Variants in TUT4 observed in about 807,000 individuals in gnomAD.
TUT4 encodes the protein terminal uridylyl transferase 4.
TUT4 carries 36 observed loss-of-function variants against 192.2 expected under a neutral mutation model. That is an observed-to-expected ratio of 0.19 (90% CI 0.14 to 0.25). The LOEUF (loss-of-function observed/expected upper bound fraction) is 0.25. TUT4 is among the 10% of genes least tolerant of loss of function. TUT4 has a pLI of 1.00. For synonymous variants in TUT4, 618 were observed against 666.0 expected (o/e 0.93, Z 1.11); for missense variants, 1,493 against 1,957.2 (o/e 0.76, Z 4.47).
In TUT4 at chr1:52,526,329, T is replaced by G. The variant is rs1484227159; in HGVS notation, c.-49A>C. On this transcript the variant is annotated 5_prime_UTR_variant, in exon 2 of 30. Coordinates refer to ENST00000257177, the MANE Select transcript of TUT4 (RefSeq NM_001009881.3). Reference sequence around the variant, plus strand: ...AATTGTGATATTATAAAATGGCAGATCTCCAGTAGTTTAAATTGCTTCAAG... The same window carrying G: ...AATTGTGATATTATAAAATGGCAGAGCTCCAGTAGTTTAAATTGCTTCAAG... The G allele has an allele frequency of 1.4e-6, 2 of 1,408,608 alleles. No homozygotes were observed. The highest frequency in any genetic ancestry group is 1.8e-6 in the Non-Finnish European group (2 of 1,085,222). The allele number at this position is 1,408,608 out of a possible 1,614,324, so 87.3% of individuals were successfully genotyped here.
chr1:52,539,169 T>C (rs1444390060), intron 1 of TUT4, among the ~76,000 whole-genome samples: 1 of 152,092 alleles, frequency 6.6e-6, no homozygotes, highest in Non-Finnish European at 1.5e-5. Flanking sequence ...AAAATACATA[T>C]ACAGATAATT....
intron 9 of TUT4, 141 bp downstream of exon 9, chr1:52,488,768 T>G (rs1670432043): frequency 2.3e-6 from 2 of 879,084 alleles, no homozygotes; most frequent in Non-Finnish European, 3.1e-6. Flanking sequence ...CACACCAACT[T>G]TCTGTCTAGC....
In TUT4 at chr1:52,499,921, T is replaced by A. The variant is rs551455297; in HGVS notation, c.1000-2738A>T. On this transcript the variant is annotated intron_variant, in intron 4 of 29. Transcript: ENST00000257177. ...CCCCGTCTCTACTAAATTAAAAAAA[T>A]ATATATACATATATATACATATATA... Among the ~76,000 whole-genome samples, 9 of 148,332 alleles carry A rather than the reference T, an allele frequency of 6.1e-5. 1 individual carries two copies. The highest frequency in any genetic ancestry group is 4.3e-4 in the South Asian group (2 of 4,662).
chr1:52,493,506 G>T, intron 7 of TUT4, 105 bp downstream of exon 7: 1 of 723,340 alleles, frequency 1.4e-6, no homozygotes, highest in Non-Finnish European at 2.3e-6. Context: ...ACTCAACTAT[G>T]CCAGCAGTTT....
chr1:52,441,028 T>C (rs1388611710), intron 24 of TUT4, among the ~76,000 whole-genome samples: 1 of 152,176 alleles, frequency 6.6e-6, no homozygotes, highest in Non-Finnish European at 1.5e-5. Flanking sequence ...TGACATTTTA[T>C]GTATTTTAAC....
chr1:52,494,082 C>T (rs531623044), intron 6 of TUT4, among the ~76,000 whole-genome samples: 112 of 151,632 alleles, frequency 7.4e-4, no homozygotes, highest in Non-Finnish European at 1.2e-3. Context: ...GAATTATAAG[C>T]ATGAGCCACC....
In TUT4 at chr1:52,431,182, G is replaced by C. The variant is rs769638779; in HGVS notation, c.4542C>G (p.His1514Gln). 8.7e-6 allele frequency: 14 copies of C among 1,614,142 alleles called. No homozygotes were observed. The South Asian group carries it at 8.8e-5, about 10-fold the overall frequency. ...PSWPIHGPVIHSAPGSAPSNI... is the reference protein window; with the variant it reads ...PSWPIHGPVIQSAPGSAPSNI... ...TGCTGGGGGCACTGCCTGGTGCAGA[G>C]TGGATCACTGGGCCATGGATGGGCC... The change falls in exon 28 of 30, where the codon CAC (histidine) becomes CAG (glutamine). Residue 1514 changes from histidine to glutamine, a missense_variant. By Grantham distance (24) the His-to-Gln change is conservative (BLOSUM62 0). This residue lies in a region of TUT4 where 351 missense variants were observed against 397.8 expected (regional missense o/e 0.88). Transcript: ENST00000257177.
rs893709839 is a variant in TUT4 at position 52,493,528 on chromosome 1, G to C, written c.1318+83C>G. The C allele has an allele frequency of 3.1e-6, 3 of 956,470 alleles. No individual in the cohort carries two copies. In the African/African-American group the frequency reaches 5.2e-5, roughly 16 times the overall value. The allele number at this position is 956,470 out of a possible 1,614,324, so 59.2% of individuals were successfully genotyped here. ...TATGCCAGCAGTTTAGTTTTAACTTGGTTAGCCATATATAAACAACACATG... is the reference window on the plus strand; with the variant it reads ...TATGCCAGCAGTTTAGTTTTAACTTCGTTAGCCATATATAAACAACACATG... On this transcript the variant is annotated intron_variant, in intron 7 of 29. Transcript: ENST00000257177.
chr1:52,436,568 A>G (rs939137510), intron 26 of TUT4, among the ~76,000 whole-genome samples, 187 bp downstream of exon 26: 3 of 152,188 alleles, frequency 2.0e-5, no homozygotes, highest in Admixed American at 2.0e-4. Context: ...AAACCTTGAT[A>G]ATAAACTTAT....
At chr1:52,426,109 T>C (rs528404243) in intron 28 of TUT4, among the ~76,000 whole-genome samples, 1 of 152,280 alleles carries the variant, frequency 6.6e-6, no homozygotes, top group African/African-American at 2.4e-5. Context: ...CAGAATCAAT[T>C]ATATCTTGGC....
intron 28 of TUT4, among the ~76,000 whole-genome samples, chr1:52,429,082 GTT>G (rs1195739562): frequency 6.9e-5 from 9 of 131,386 alleles, no homozygotes; most frequent in Non-Finnish European, 8.1e-5. Context: ...TCCATAATAG[GTT>G]TTTTTTTTTT....
chr1:52,481,951 AC>A (rs756067371), intron 9 of TUT4, 28 bp from the exon 10 acceptor site: 3 of 1,450,168 alleles, frequency 2.1e-6, no homozygotes, highest in South Asian at 1.7e-5. Context: ...AAAAAGTACT[AC>A]CATTTAGCTT....
intron 27 of TUT4, chr1:52,432,447 G>A (rs1652400776): frequency 6.6e-6 from 1 of 152,154 alleles, no homozygotes; most frequent in South Asian, 2.1e-4. Context: ...GGGAATGGCC[G>A]AGGCTGAAGA....
chr1:52,537,812 C>G (rs1685345592), intron 1 of TUT4, among the ~76,000 whole-genome samples: 1 of 152,056 alleles, frequency 6.6e-6, no homozygotes, highest in African/African-American at 2.4e-5. Flanking sequence ...ACTCAGGAGG[C>G]TGAAGCAGGA....
At chr1:52,457,201 A>G (rs950974922) in intron 20 of TUT4, among the ~76,000 whole-genome samples, 1 of 151,606 alleles carries the variant, frequency 6.6e-6, no homozygotes, top group African/African-American at 2.4e-5. Flanking sequence ...GACACCTACT[A>G]TATGGCTTAT....
At chr1:52,531,885 CTTTTTTTTTTTTTTTT>C (rs1158088077) in intron 1 of TUT4, among the ~76,000 whole-genome samples, 4 of 80,806 alleles carry the variant, frequency 5.0e-5, no homozygotes, top group Non-Finnish European at 6.8e-5. Flanking sequence ...CTTTTCTCAT[CTTTTTTTTTTTTTTTT>C]TTTTTTTTTT....
chr1:52,460,674 C>G (rs561540207), intron 19 of TUT4, among the ~76,000 whole-genome samples: 2 of 152,272 alleles, frequency 1.3e-5, no homozygotes, highest in African/African-American at 4.8e-5. Flanking sequence ...GGTTCCTGTT[C>G]TCACCTAGTT....
At chr1:52,463,353 C>A in intron 16 of TUT4, 1 of 995,618 alleles carries the variant, frequency 1.0e-6, no homozygotes, top group Non-Finnish European at 1.2e-6. Flanking sequence ...TAAAGGAGAA[C>A]AAATAAAATA....
At chr1:52,486,789 TA>T in intron 9 of TUT4, among the ~76,000 whole-genome samples, 1 of 152,170 alleles carries the variant, frequency 6.6e-6, no homozygotes, top group East Asian at 1.9e-4. Context: ...GATCAACTAC[TA>T]AAACACCATG....
Sources: gnomAD v4.1 joint callset for allele counts (sites outside exome capture counted in the v4.1 genomes callset) on GRCh38, gnomAD v4.1.1 for gene constraint, gnomAD v4.1.1 regional missense constraint, MANE v1.5 for transcripts, NCBI Gene and HGNC (gene_info 2026-07-23, HGNC 2026-07-21) for gene names.